The following OCA2 variants were observed in gnomAD, a reference collection of about 807,000 sequenced individuals.
The protein encoded by OCA2 is OCA2 melanosomal transmembrane protein, also known as P protein.
OCA2 carries 77 observed loss-of-function variants against 100.2 expected under a neutral mutation model. That is an observed-to-expected ratio of 0.77 (90% CI 0.64 to 0.93). OCA2 has a LOEUF of 0.93. Ranked by LOEUF, OCA2 falls within the 40% of genes least tolerant of loss-of-function variation. The pLI is 0.00. For synonymous variants in OCA2, 432 were observed against 439.2 expected (o/e 0.98, Z 0.21); for missense variants, 1,062 against 1,089.1 (o/e 0.98, Z 0.35).
Position 27,755,202 on chromosome 15 carries a change from G to A in OCA2, c.*186C>T, listed in dbSNP as rs2030241961. 7 of 611,264 alleles carry A rather than the reference G, an allele frequency of 1.1e-5. No homozygotes were observed. The highest frequency in any genetic ancestry group is 2.1e-5 in the Non-Finnish European group (7 of 329,492). The allele number at this position is 611,264 out of a possible 1,614,324, so 37.9% of individuals were successfully genotyped here. A position where few individuals can be genotyped will look rare whatever the true frequency, so the allele number is the denominator to read the frequency against. ...TGGGGAGAAAGGACACACAGAGGAG[G>A]TCATGGTGTTCCAACATTCGCTTGA... On this transcript the variant is annotated 3_prime_UTR_variant, in exon 24 of 24. Transcript: ENST00000354638.
At chr15:27,992,553 C>A (rs1595779977) in intron 9 of OCA2, among the ~76,000 whole-genome samples, 1 of 152,144 alleles carries the variant, frequency 6.6e-6, no homozygotes, top group African/African-American at 2.4e-5. Flanking sequence ...CAGAGCCAGG[C>A]TGTCCTATCC....
chr15:27,950,047 G>A (rs537837430), intron 18 of OCA2, among the ~76,000 whole-genome samples: 5 of 152,144 alleles, frequency 3.3e-5, no homozygotes, highest in Non-Finnish European at 7.4e-5. Context: ...ACGTAGACTT[G>A]CAGGCTAAAA....
intron 9 of OCA2, among the ~76,000 whole-genome samples, chr15:27,997,129 AAG>A (rs1491199889): frequency 2.6e-3 from 95 of 35,874 alleles, no homozygotes; most frequent in Non-Finnish European, 0.019. Context: ...GGAAGGAAGG[AAG>A]AAGGAAGGAA....
At chr15:27,882,263 T>A (rs1215178592) in intron 19 of OCA2, among the ~76,000 whole-genome samples, 1 of 152,190 alleles carries the variant, frequency 6.6e-6, no homozygotes, top group African/African-American at 2.4e-5. Flanking sequence ...TTTCTCTAAG[T>A]TCTTTAGATT....
intron 2 of OCA2, among the ~76,000 whole-genome samples, chr15:28,072,589 C>CAAAAAAAAAAAA: frequency 1.7e-5 from 1 of 60,070 alleles, no homozygotes; most frequent in Non-Finnish European, 3.9e-5. Flanking sequence ...GATTCCGTCT[C>CAAAAAAAAAAAA]AAAAAAAAAA....
At chr15:27,997,110 A>G (rs58761216) in intron 9 of OCA2, among the ~76,000 whole-genome samples, 1 of 80,810 alleles carries the variant, frequency 1.2e-5, no homozygotes, top group African/African-American at 3.1e-5. Flanking sequence ...AAGAAAGAAA[A>G]GAAAGGAAGG....
intron 2 of OCA2, among the ~76,000 whole-genome samples, chr15:28,064,337 T>G (rs1252489850): frequency 1.3e-5 from 2 of 152,082 alleles, no homozygotes; most frequent in Non-Finnish European, 2.9e-5. Flanking sequence ...TATTATTTCT[T>G]TAAAATGTTT....
intron 14 of OCA2, among the ~76,000 whole-genome samples, chr15:27,974,849 G>A (rs1465097322): frequency 1.3e-5 from 2 of 152,160 alleles, no homozygotes; most frequent in Non-Finnish European, 2.9e-5. Context: ...CAGTCCTAAG[G>A]CCATCTTCCC....
chr15:27,832,956 G>A (rs2035018783), intron 23 of OCA2, among the ~76,000 whole-genome samples: 1 of 151,294 alleles, frequency 6.6e-6, no homozygotes, highest in South Asian at 2.1e-4. Flanking sequence ...TGGGAGTACA[G>A]GCATATGCCA....
chr15:27,834,504 T>C (rs1317195591), intron 23 of OCA2, among the ~76,000 whole-genome samples: 1 of 152,140 alleles, frequency 6.6e-6, no homozygotes, highest in Non-Finnish European at 1.5e-5. Context: ...AGGTGAGGGG[T>C]TGCAGGAACC....
chr15:27,993,984 G>C (rs2141043639), intron 9 of OCA2, among the ~76,000 whole-genome samples: 1 of 152,236 alleles, frequency 6.6e-6, no homozygotes, highest in East Asian at 1.9e-4. Context: ...CTATGCTTAA[G>C]AAAAAGAATT....
At chr15:27,820,231 G>T (rs560030075) in intron 23 of OCA2, among the ~76,000 whole-genome samples, 20 of 152,284 alleles carry the variant, frequency 1.3e-4, no homozygotes, top group Admixed American at 3.9e-4. Context: ...CTCCTCGAGC[G>T]GGGAGCAAAG....
the OCA2 span, among the ~76,000 whole-genome samples, chr15:27,722,102 T>C: frequency 1.3e-5 from 2 of 152,248 alleles, no homozygotes; most frequent in African/African-American, 2.4e-5. Context: ...GTGGAGTATT[T>C]AATTCCATGA....
chr15:27,926,106 G>A (rs1470518100), intron 19 of OCA2, 21 bp downstream of exon 19: 1 of 1,613,754 alleles, frequency 6.2e-7, no homozygotes, highest in Non-Finnish European at 8.5e-7. Context: ...ATGCCATATG[G>A]CAAAAGTTCT....
chr15:27,883,823 T>C (rs2037119725), intron 19 of OCA2, among the ~76,000 whole-genome samples: 1 of 152,188 alleles, frequency 6.6e-6, no homozygotes, highest in African/African-American at 2.4e-5. Context: ...TGATGTCCTG[T>C]CTCATTTTAA....
intron 14 of OCA2, among the ~76,000 whole-genome samples, chr15:27,972,999 G>A (rs1295907841): frequency 2.0e-5 from 3 of 151,700 alleles, no homozygotes; most frequent in Non-Finnish European, 4.4e-5. Flanking sequence ...CCGAGTAGCT[G>A]GGATTACAAG....
At chr15:27,931,988 G>A (rs923280295) in intron 18 of OCA2, among the ~76,000 whole-genome samples, 30 of 152,312 alleles carry the variant, frequency 2.0e-4, no homozygotes, top group East Asian at 7.7e-4. Context: ...CTGAGCTTAA[G>A]GGATACAGAT....
At chr15:27,814,913 T>TAGACAGAC (rs1566985675) in intron 23 of OCA2, among the ~76,000 whole-genome samples, 1 of 149,078 alleles carries the variant, frequency 6.7e-6, no homozygotes, top group South Asian at 2.2e-4. Context: ...GATAGATAGA[T>TAGACAGAC]AGATAGATAG....
intron 18 of OCA2, among the ~76,000 whole-genome samples, chr15:27,936,494 T>A (rs1300872569): frequency 6.6e-6 from 1 of 152,194 alleles, no homozygotes; most frequent in African/African-American, 2.4e-5. Flanking sequence ...GAAAGACCAT[T>A]TTTTATAATC....
Sources: gnomAD v4.1 joint callset for allele counts (sites outside exome capture counted in the v4.1 genomes callset) on GRCh38, gnomAD v4.1.1 for gene constraint, MANE v1.5 for transcripts, NCBI Gene and HGNC (gene_info 2026-07-23, HGNC 2026-07-21) for gene names.